Variants in GPATCH2 observed in about 807,000 individuals in gnomAD.
The protein encoded by GPATCH2 is G patch domain-containing protein 2.
A neutral mutation model predicts 58.0 loss-of-function variants in GPATCH2; 51 were observed. The observed-to-expected ratio is 0.88, with a 90% CI of 0.70 to 1.11. The LOEUF is 1.11. GPATCH2 is among the 50% of genes most tolerant of loss of function. GPATCH2 has a pLI of 0.00. For missense variants in GPATCH2, 625 were observed against 652.2 expected (o/e 0.96, Z 0.45); for synonymous variants, 222 against 218.5 (o/e 1.02, Z -0.14).
intron 8 of GPATCH2, among the ~76,000 whole-genome samples, chr1:217,479,483 A>G (rs1459870645): frequency 2.0e-5 from 3 of 152,130 alleles, no homozygotes; most frequent in Non-Finnish European, 4.4e-5. Flanking sequence ...TGCAAGCCTC[A>G]GTGGTAACCT....
chr1:217,609,933 T>C (rs1198267420), intron 5 of GPATCH2: 9 of 1,193,122 alleles, frequency 7.5e-6, no homozygotes, highest in African/African-American at 1.6e-5. Context: ...GTAGTTTCTA[T>C]CCACCCTGGG....
chr1:217,567,128 C>T (rs1666286824), intron 5 of GPATCH2, among the ~76,000 whole-genome samples: 2 of 149,308 alleles, frequency 1.3e-5, no homozygotes, highest in African/African-American at 4.9e-5. Context: ...CTCACTGCAA[C>T]CTCCACCTCC....
At chr1:217,509,746 T>C (rs946726045) in intron 6 of GPATCH2, among the ~76,000 whole-genome samples, 6 of 152,224 alleles carry the variant, frequency 3.9e-5, no homozygotes, top group African/African-American at 1.4e-4. Flanking sequence ...TGTAACGCAT[T>C]GTGATGTACA....
rs552944587 is a variant in GPATCH2, at chr1:217,429,819, C to T, written c.*1326G>A. The T allele has an allele frequency of 2.6e-5, 3 of 113,632 alleles. No homozygotes were observed. The highest frequency in any genetic ancestry group is 2.4e-4 in the East Asian group (1 of 4,138). 7.0% of individuals were successfully genotyped at this position (113,632 alleles called of 1,614,324 possible). A position where few individuals can be genotyped will look rare whatever the true frequency, so the allele number is the denominator to read the frequency against. The stretch of plus-strand genomic sequence containing the variant: ...CTCCAGCCTGGGCGACAGAGGCAGA[C>T]TCTGTCAAAAAAAAAAAAAAAAAAA... On this transcript the variant is annotated 3_prime_UTR_variant, in exon 10 of 10. Transcript: ENST00000366935.
intron 9 of GPATCH2, among the ~76,000 whole-genome samples, chr1:217,434,641 T>A (rs1658725471): frequency 6.6e-6 from 1 of 152,234 alleles, no homozygotes; most frequent in Non-Finnish European, 1.5e-5. Context: ...AAGTTCAGAA[T>A]TAAAATTTGT....
chr1:217,580,850 T>A (rs1168722840), intron 5 of GPATCH2, among the ~76,000 whole-genome samples: 2 of 98,110 alleles, frequency 2.0e-5, no homozygotes, highest in African/African-American at 6.9e-5. Context: ...CTACTAAAAA[T>A]ACAAAAAATT....
chr1:217,503,899 T>A (rs1209519892), intron 6 of GPATCH2, among the ~76,000 whole-genome samples: 1 of 152,120 alleles, frequency 6.6e-6, no homozygotes, highest in Non-Finnish European at 1.5e-5. Flanking sequence ...ATTTAATCCT[T>A]AAACTACTCT....
At chr1:217,561,354 T>G (rs1665915157) in intron 5 of GPATCH2, among the ~76,000 whole-genome samples, 1 of 152,156 alleles carries the variant, frequency 6.6e-6, no homozygotes, top group Non-Finnish European at 1.5e-5. Flanking sequence ...AAAAGGTTTA[T>G]CTAAAAACAT....
In GPATCH2 at chr1:217,486,656, T is replaced by C. The variant is rs1015153696; in HGVS notation, c.1277+5024A>G. ...CCTCTTCAAACGTCTTGTCTTAGCCTATGAGTTCATCTTCCTCTGAGAATA... is the reference window on the plus strand; with the variant it reads ...CCTCTTCAAACGTCTTGTCTTAGCCCATGAGTTCATCTTCCTCTGAGAATA... On this transcript the variant is annotated intron_variant, in intron 8 of 9. Coordinates refer to ENST00000366935, the MANE Select transcript of GPATCH2 (RefSeq NM_018040.5). Among the ~76,000 whole-genome samples the C allele has an allele frequency of 7.5e-4, 114 of 152,276 alleles. 1 individual carries two copies. Among genetic ancestry groups the C allele is most frequent in the Middle Eastern group, 3.4e-3 (1 of 294 alleles).
At chr1:217,624,009 A>G (rs1669328441) in intron 1 of GPATCH2, among the ~76,000 whole-genome samples, 1 of 152,190 alleles carries the variant, frequency 6.6e-6, no homozygotes, top group Non-Finnish European at 1.5e-5. Flanking sequence ...AATCAACTAC[A>G]TATTACTTTT....
intron 9 of GPATCH2, among the ~76,000 whole-genome samples, chr1:217,440,828 A>G (rs190004219): frequency 3.0e-4 from 45 of 152,200 alleles, no homozygotes; most frequent in Admixed American, 2.7e-3. Flanking sequence ...TCAAGGAGAA[A>G]TACAAACCAC....
At chr1:217,588,546 T>C (rs531503375) in intron 5 of GPATCH2, among the ~76,000 whole-genome samples, 1 of 152,222 alleles carries the variant, frequency 6.6e-6, no homozygotes, top group Admixed American at 6.5e-5. Context: ...CATCATCTAG[T>C]ATATGACATT....
intron 2 of GPATCH2, among the ~76,000 whole-genome samples, chr1:217,614,957 C>T (rs1390646348): frequency 6.6e-6 from 1 of 151,678 alleles, no homozygotes; most frequent in Non-Finnish European, 1.5e-5. Flanking sequence ...TTTAAAATAC[C>T]AGGAGAACAA....
chr1:217,468,898 TAAAAAA>T (rs1268945058), intron 8 of GPATCH2, among the ~76,000 whole-genome samples: 3 of 152,098 alleles, frequency 2.0e-5, no homozygotes, highest in African/African-American at 7.2e-5. Context: ...TTTCTGTATA[TAAAAAA>T]TTTTCTATGA....
At chr1:217,610,720 T>C (rs1208093292) in intron 4 of GPATCH2, among the ~76,000 whole-genome samples, 169 bp downstream of exon 4, 1 of 152,204 alleles carries the variant, frequency 6.6e-6, no homozygotes, top group Admixed American at 6.5e-5. Flanking sequence ...ATTTTTCTAA[T>C]AATTTGAAAG....
intron 1 of GPATCH2, among the ~76,000 whole-genome samples, chr1:217,628,395 A>C (rs1024276099): frequency 6.6e-5 from 10 of 152,036 alleles, no homozygotes; most frequent in African/African-American, 2.4e-4. Flanking sequence ...CTAAGAAGCT[A>C]TAACAAATTT....
chr1:217,620,129 A>G lies in GPATCH2; in HGVS notation c.427T>C (p.Trp143Arg). The change falls in exon 2 of 10, where the codon TGG becomes CGG. Residue 143 changes from tryptophan to arginine, a missense_variant. Transcript: ENST00000366935. ...NNNVRGKRPL[W>R]HESDFAVDNV... ...TCCACAGCAAAATCAGACTCATGCC[A>G]TAGAGGTCTTTTCCCTCGAACATTA... 6.2e-7 allele frequency: 1 copy of G among 1,614,118 alleles called. No homozygotes were observed. The highest frequency in any genetic ancestry group is 8.5e-7 in the Non-Finnish European group (1 of 1,179,998).
chr1:217,527,797 C>A (rs1186764581), intron 5 of GPATCH2, among the ~76,000 whole-genome samples: 2 of 152,148 alleles, frequency 1.3e-5, no homozygotes, highest in Non-Finnish European at 2.9e-5. Flanking sequence ...AGATAGTGAA[C>A]AACTACTTCA....
intron 5 of GPATCH2, among the ~76,000 whole-genome samples, chr1:217,533,812 T>C (rs1571875425): frequency 6.6e-6 from 1 of 152,204 alleles, no homozygotes; most frequent in South Asian, 2.1e-4. Flanking sequence ...AATATAGATA[T>C]AGATTTGGTA....
Sources: gnomAD v4.1 joint callset for allele counts (sites outside exome capture counted in the v4.1 genomes callset) on GRCh38, gnomAD v4.1.1 for gene constraint, MANE v1.5 for transcripts, NCBI Gene and HGNC (gene_info 2026-07-23, HGNC 2026-07-21) for gene names.